TRABD2B: variants seen among roughly 807,000 people sequenced by gnomAD.
The protein encoded by TRABD2B is metalloprotease TIKI2.
In TRABD2B, 14 loss-of-function variants were observed where a neutral mutation model predicts 40.1. That is an observed-to-expected ratio of 0.35 (90% CI 0.23 to 0.55). The LOEUF (loss-of-function observed/expected upper bound fraction) is 0.55. TRABD2B is among the 20% of genes least tolerant of loss of function. The pLI, the probability that TRABD2B is intolerant of heterozygous loss-of-function variation, is 0.90. For missense variants in TRABD2B, 541 were observed against 648.6 expected (o/e 0.83, Z 1.80); for synonymous variants, 263 against 277.0 (o/e 0.95, Z 0.50).
chr1:47,960,405 G>A (rs903481229), intron 2 of TRABD2B, among the ~76,000 whole-genome samples: 1 of 152,122 alleles, frequency 6.6e-6, no homozygotes, highest in African/African-American at 2.4e-5. Flanking sequence ...GATTCAATTA[G>A]GAAAAGAGGA....
At chr1:47,934,551 A>T (rs1210110288) in intron 2 of TRABD2B, among the ~76,000 whole-genome samples, 2 of 152,226 alleles carry the variant, frequency 1.3e-5, no homozygotes, top group Non-Finnish European at 2.9e-5. Flanking sequence ...CCCTCGCGTG[A>T]GCAGCTTTGG....
chr1:47,881,127 C>T (rs545422469), intron 2 of TRABD2B, among the ~76,000 whole-genome samples: 1 of 152,300 alleles, frequency 6.6e-6, no homozygotes, highest in South Asian at 2.1e-4. Flanking sequence ...TTCAGTTTTC[C>T]TTAATCCTGC....
At chr1:47,955,487 C>T (rs1217581892) in intron 2 of TRABD2B, among the ~76,000 whole-genome samples, 1 of 152,218 alleles carries the variant, frequency 6.6e-6, no homozygotes, top group Non-Finnish European at 1.5e-5. Flanking sequence ...CAAAGCTCCC[C>T]ATTCTGGCCT....
chr1:47,957,660 A>G (rs1645444445), intron 2 of TRABD2B, among the ~76,000 whole-genome samples: 1 of 152,182 alleles, frequency 6.6e-6, no homozygotes, highest in South Asian at 2.1e-4. Flanking sequence ...GTTTAGAGAA[A>G]AAAGAGTAAA....
intron 2 of TRABD2B, among the ~76,000 whole-genome samples, chr1:47,843,263 G>T (rs979568077): frequency 3.3e-5 from 5 of 152,180 alleles, no homozygotes; most frequent in Non-Finnish European, 7.4e-5. Context: ...CTGTAGAGTG[G>T]AGGAGAAAAT....
chr1:47,845,338 T>G (rs1428825281), intron 2 of TRABD2B, among the ~76,000 whole-genome samples: 4 of 152,210 alleles, frequency 2.6e-5, no homozygotes, highest in Non-Finnish European at 4.4e-5. Context: ...TTCTTAATAT[T>G]AGGATAATAA....
intron 2 of TRABD2B, among the ~76,000 whole-genome samples, chr1:47,894,956 A>T (rs1421205998): frequency 6.6e-6 from 1 of 152,148 alleles, no homozygotes; most frequent in Admixed American, 6.5e-5. Context: ...CTCTGCCAGT[A>T]CAAGGGCAGG....
intron 2 of TRABD2B, among the ~76,000 whole-genome samples, chr1:47,836,733 G>T (rs1645323609): frequency 6.6e-6 from 1 of 152,200 alleles, no homozygotes; most frequent in African/African-American, 2.4e-5. Flanking sequence ...GGTTATGTGG[G>T]CGGAGCCCTC....
intron 2 of TRABD2B, among the ~76,000 whole-genome samples, chr1:47,808,356 CA>C (rs1644920136): frequency 1.3e-5 from 2 of 152,090 alleles, no homozygotes; most frequent in African/African-American, 4.8e-5. Context: ...GATACATACA[CA>C]CATACATATA....
chr1:47,987,133 T>C (rs1290209547), intron 2 of TRABD2B, among the ~76,000 whole-genome samples: 3 of 152,186 alleles, frequency 2.0e-5, no homozygotes, highest in African/African-American at 4.8e-5. Flanking sequence ...CTCCCATTTT[T>C]ATCTCCGTCA....
At chr1:47,840,113 T>G (rs1487197640) in intron 2 of TRABD2B, among the ~76,000 whole-genome samples, 1 of 152,060 alleles carries the variant, frequency 6.6e-6, no homozygotes. Context: ...TCGGAGGATC[T>G]TGGTCTCTGG....
intron 2 of TRABD2B, among the ~76,000 whole-genome samples, chr1:47,865,221 C>G (rs1428448792): frequency 6.6e-6 from 1 of 152,158 alleles, no homozygotes; most frequent in Non-Finnish European, 1.5e-5. Context: ...CAGTAGGGCC[C>G]AGGCCTCCTC....
chr1:47,905,365 G>T (rs1483098058), intron 2 of TRABD2B, among the ~76,000 whole-genome samples: 2 of 152,186 alleles, frequency 1.3e-5, no homozygotes, highest in Non-Finnish European at 2.9e-5. Flanking sequence ...GATGGGGAAG[G>T]GAGTGGTAGC....
intron 2 of TRABD2B, among the ~76,000 whole-genome samples, chr1:47,848,944 C>T (rs1056584551): frequency 2.0e-5 from 3 of 152,182 alleles, no homozygotes; most frequent in Non-Finnish European, 4.4e-5. Context: ...ATGCCAGAGG[C>T]CTTCATCCCT....
chr1:47,912,687 G>A (rs1225357065), intron 2 of TRABD2B, among the ~76,000 whole-genome samples: 1 of 152,138 alleles, frequency 6.6e-6, no homozygotes, highest in Admixed American at 6.5e-5. Flanking sequence ...GCAGCCCAGT[G>A]CTGGGGAGAC....
chr1:47,766,604 T>C (rs1644307064), intron 6 of TRABD2B, among the ~76,000 whole-genome samples: 2 of 152,196 alleles, frequency 1.3e-5, no homozygotes, highest in Admixed American at 6.5e-5. Context: ...CTCAGCACTT[T>C]CCAAGCAATA....
chr1:47,792,497 T>C (rs1168757145), intron 4 of TRABD2B, among the ~76,000 whole-genome samples: 2 of 151,878 alleles, frequency 1.3e-5, no homozygotes, highest in African/African-American at 4.8e-5. Context: ...GGGTGTGAGG[T>C]CTTTCTGGTG....
intron 4 of TRABD2B, among the ~76,000 whole-genome samples, chr1:47,791,938 T>C (rs565205678): frequency 6.6e-6 from 1 of 152,244 alleles, no homozygotes; most frequent in African/African-American, 2.4e-5. Flanking sequence ...GGGGCTTTGC[T>C]CATGTCCCTG....
At chr1:47,858,537 G>A (rs1643922320) in intron 2 of TRABD2B, among the ~76,000 whole-genome samples, 1 of 152,156 alleles carries the variant, frequency 6.6e-6, no homozygotes, top group Non-Finnish European at 1.5e-5. Flanking sequence ...GGGATTACAG[G>A]GGTAAACCAC....
Sources: allele counts gnomAD v4.1 joint callset (sites outside exome capture counted in the v4.1 genomes callset), GRCh38; gene constraint gnomAD v4.1.1; transcripts MANE v1.5; gene names NCBI Gene and HGNC (gene_info 2026-07-23, HGNC 2026-07-21).